Variants in VPS16 observed in about 807,000 individuals in gnomAD.
The protein encoded by VPS16 is VPS16 core subunit of CORVET and HOPS complexes, also known as vacuolar protein sorting-associated protein 16 homolog.
In VPS16, 82 loss-of-function variants were observed where a neutral mutation model predicts 116.0. The observed-to-expected ratio is 0.71, with a 90% CI of 0.59 to 0.85. The LOEUF is 0.85. Among genes scored for constraint, VPS16 ranks in the 40% least tolerant of loss-of-function variants. VPS16 has a pLI of 0.00. For synonymous variants in VPS16, 406 were observed against 420.7 expected (o/e 0.96, Z 0.43); for missense variants, 928 against 1,090.6 (o/e 0.85, Z 2.10).
Position 2,864,801 on chromosome 20 carries a change from G to A in VPS16, c.1926+147G>A. The A allele has an allele frequency of 6.1e-6, 7 of 1,151,564 alleles. No individual in the cohort carries two copies. The highest frequency in any genetic ancestry group is 1.4e-5 in the South Asian group (1 of 72,908). 71.3% of individuals were successfully genotyped at this position (1,151,564 alleles called of 1,614,324 possible). ...GGAGACTCTGACGTGAGGCCAGGAT[G>A]GGGGTTAGTGTCAGAGGAGCTAGCC... is the stretch of plus-strand genomic sequence containing the variant. On this transcript the variant is annotated intron_variant, in intron 19 of 23. Coordinates refer to ENST00000380445, the MANE Select transcript of VPS16 (RefSeq NM_022575.4). This position sits in a 1 kb window ranked among gnomAD's most constrained non-coding sequence, Gnocchi z 5.2.
chr20:2,856,165 CTG>C (rs2089169739), intron 1 of VPS16, among the ~76,000 whole-genome samples: 1 of 152,096 alleles, frequency 6.6e-6, no homozygotes. Context: ...AATTTCTACA[CTG>C]TGTGTCTCAG....
chr20:2,851,139 G>T (rs1367879642), intron 1 of VPS16, among the ~76,000 whole-genome samples: 2 of 152,196 alleles, frequency 1.3e-5, no homozygotes, highest in Non-Finnish European at 2.9e-5. Context: ...TGGCAGAGAA[G>T]TTGGTTTGCC....
intron 1 of VPS16, among the ~76,000 whole-genome samples, chr20:2,855,085 C>T (rs4274657): frequency 0.51 from 76,766 of 150,534 alleles, 22,284 homozygotes; most frequent in African/African-American, 0.79. Context: ...CTCAATCTCC[C>T]GAGTAGCTGG....
In VPS16 at chr20:2,860,748, G is replaced by T; in HGVS notation, c.515G>T (p.Gly172Val). Residue 172 changes from glycine to valine, a missense_variant and splice_region_variant, in exon 6 of 24, where the codon GGT (glycine) becomes GTT (valine). By Grantham distance (109) the Gly-to-Val change is moderately radical. Coordinates refer to ENST00000380445, the MANE Select transcript of VPS16 (RefSeq NM_022575.4). The surrounding 1 kb of genome is among the most constrained non-coding windows in gnomAD (Gnocchi z 6.1). ...ACACTGTCCTTTTCCCTGGCCATAG[G>T]TCTGCAAAGTGCACCCTCCTGCTGG... is the stretch of plus-strand genomic sequence containing the variant. ...LKLRRMPEVP[G>V]LQSAPSCWTV... 6.2e-7 allele frequency: 1 copy of T among 1,613,838 alleles called. No homozygotes were observed.
At position 2,862,804 on chromosome 20, in the gene VPS16, C is replaced by T. The variant is rs1600003338; in HGVS notation, c.1204-3C>T. 1.2e-6 allele frequency: 2 copies of T among 1,613,816 alleles called. No individual in the cohort carries two copies. Among genetic ancestry groups the T allele is most frequent in the Non-Finnish European group, 1.7e-6 (2 of 1,180,024 alleles). ...TCTCCTATCGCCCTCTGGCTCTTCT[C>T]AGGCCGCCTCCTTCGGAAAGTGTTT... On this transcript the variant is annotated splice_polypyrimidine_tract_variant and splice_region_variant and intron_variant, in intron 12 of 23. Transcript: ENST00000380445.
intron 1 of VPS16, among the ~76,000 whole-genome samples, chr20:2,841,641 T>C (rs1014405087): frequency 6.6e-6 from 1 of 152,184 alleles, no homozygotes; most frequent in Admixed American, 6.5e-5. Flanking sequence ...TCTCCCCCAA[T>C]AGAATCCTGT....
chr20:2,863,448 G>T lies in VPS16; in HGVS notation c.1476+50G>T. The T allele has an allele frequency of 6.4e-7, 1 of 1,574,168 alleles. No homozygotes were observed. Among genetic ancestry groups the T allele is most frequent in the South Asian group, 1.1e-5 (1 of 90,164 alleles). ...GGGCATTTAGAGGATTCCAGGCCCT[G>T]GTGAGGTGGAGGAAATAGAAAGTGT... On this transcript the variant is annotated intron_variant, in intron 15 of 23. Coordinates refer to ENST00000380445, the MANE Select transcript of VPS16 (RefSeq NM_022575.4). The surrounding 1 kb of genome is among the most constrained non-coding windows in gnomAD (Gnocchi z 4.4).
intron 1 of VPS16, among the ~76,000 whole-genome samples, chr20:2,851,354 A>G (rs1003556816): frequency 1.3e-5 from 2 of 152,138 alleles, no homozygotes; most frequent in African/African-American, 4.8e-5. Context: ...CACGCCTGTA[A>G]TCCTAACACT....
chr20:2,843,239 CT>C (rs1404560725), intron 1 of VPS16, among the ~76,000 whole-genome samples: 1 of 152,008 alleles, frequency 6.6e-6, no homozygotes, highest in Non-Finnish European at 1.5e-5. Flanking sequence ...CGAGATCAGC[CT>C]GGCCAACATG....
rs1182179098 is a variant in VPS16 at position 2,863,486 on chromosome 20, G to A, written c.1476+88G>A. The A allele has an allele frequency of 6.0e-6, 8 of 1,339,074 alleles. No individual in the cohort carries two copies. The highest frequency in any genetic ancestry group is 7.4e-6 in the Non-Finnish European group (7 of 948,556). The allele number at this position is 1,339,074 out of a possible 1,614,324, so 82.9% of individuals were successfully genotyped here. On this transcript the variant is annotated intron_variant, in intron 15 of 23. Coordinates refer to ENST00000380445, the MANE Select transcript of VPS16 (RefSeq NM_022575.4). This position sits in a 1 kb window ranked among gnomAD's most constrained non-coding sequence, Gnocchi z 4.4. ...AAATAGAAAGTGTAGAACTGCGCTG[G>A]GCACGGTGGCTCATGCCTGTAATCC...
intron 1 of VPS16, among the ~76,000 whole-genome samples, chr20:2,858,692 T>G (rs1202736629): frequency 6.6e-6 from 1 of 151,984 alleles, no homozygotes; most frequent in Non-Finnish European, 1.5e-5. Context: ...TTTCCCCCAC[T>G]CTTGAGGTAT....
rs200332729 is a variant in VPS16, at chr20:2,860,971, C to T, written c.632C>T (p.Thr211Met). The change falls in exon 7 of 24, where the codon ACG (threonine) becomes ATG (methionine). Residue 211 changes from threonine (T) to methionine (M), a missense_variant and splice_region_variant. Physicochemically the swap from Thr to Met is moderately conservative, Grantham distance 81. Coordinates refer to ENST00000380445, the MANE Select transcript of VPS16 (RefSeq NM_022575.4). The surrounding 1 kb of genome is among the most constrained non-coding windows in gnomAD (Gnocchi z 6.1). Reference protein sequence around the residue: ...LLDHAACSAVTPPGLAPGVSS... With the variant: ...LLDHAACSAVMPPGLAPGVSS... Reference sequence around the variant, plus strand: ...ACCCCTACCCTGGCTCTGCCTCAGACGCCCCCTGGCCTGGCCCCAGGAGTA... The same window carrying T: ...ACCCCTACCCTGGCTCTGCCTCAGATGCCCCCTGGCCTGGCCCCAGGAGTA... 15 of 1,614,166 alleles carry T rather than the reference C, an allele frequency of 9.3e-6. No homozygotes were observed. The highest frequency in any genetic ancestry group is 4.5e-5 in the East Asian group (2 of 44,876).
At chr20:2,862,281 G>A (rs2089238034) in intron 11 of VPS16, 151 bp downstream of exon 11, 2 of 1,046,382 alleles carry the variant, frequency 1.9e-6, no homozygotes, top group African/African-American at 3.2e-5. Flanking sequence ...GTAAACTGAA[G>A]AGACACTATG....
chr20:2,840,885 G>C, intron 1 of VPS16, 58 bp downstream of exon 1: 1 of 1,503,504 alleles, frequency 6.7e-7, no homozygotes, highest in African/African-American at 1.4e-5. Context: ...CCGCCGGCTG[G>C]AGTCTCCCGG....
chr20:2,841,749 T>G (rs1217862239), intron 1 of VPS16, among the ~76,000 whole-genome samples: 1 of 151,430 alleles, frequency 6.6e-6, no homozygotes, highest in African/African-American at 2.4e-5. Flanking sequence ...CCAGGCTCCT[T>G]CAGGGCTGAA....
rs2089332056 is a variant in VPS16, at chr20:2,865,882, G to T, written c.2272-330G>T. On this transcript the variant is annotated intron_variant, in intron 22 of 23. Coordinates refer to ENST00000380445, the MANE Select transcript of VPS16 (RefSeq NM_022575.4). This position sits in a 1 kb window ranked among gnomAD's most constrained non-coding sequence, Gnocchi z 5.2. ...GGTAGTTCAGAGGTGTATAGGGCAG[G>T]TTTGAGAATGTCAATCACAAGAGAA... 4.3e-6 allele frequency: 2 copies of T among 469,202 alleles called. No individual in the cohort carries two copies. Among genetic ancestry groups the T allele is most frequent in the Non-Finnish European group, 7.8e-6 (2 of 256,948 alleles). 29.1% of individuals were successfully genotyped at this position (469,202 alleles called of 1,614,324 possible). A position where few individuals can be genotyped will look rare whatever the true frequency, so the allele number is the denominator to read the frequency against.
intron 1 of VPS16, among the ~76,000 whole-genome samples, chr20:2,851,218 G>C (rs1022170984): frequency 3.9e-5 from 6 of 152,216 alleles, no homozygotes; most frequent in Non-Finnish European, 5.9e-5. Context: ...GGGATGTAAA[G>C]ACGTAGGCAA....
intron 1 of VPS16, chr20:2,841,140 G>A (rs529061514): frequency 1.2e-4 from 53 of 445,916 alleles, no homozygotes; most frequent in Non-Finnish European, 2.0e-4. Flanking sequence ...TCTCCTGCCG[G>A]AAAGTGCTGC....
At chr20:2,840,873 GCCCGCCGGCTGGAGTCT>G (rs1217999133) in intron 1 of VPS16, 46 bp downstream of exon 1, 1 of 1,395,314 alleles carries the variant, frequency 7.2e-7, no homozygotes, top group Non-Finnish European at 9.5e-7. Flanking sequence ...TACCCTGCTC[GCCCGCCGGCTGGAGTCT>G]CCCGGCGGCG....
Sources: allele counts gnomAD v4.1 joint callset (sites outside exome capture counted in the v4.1 genomes callset), GRCh38; gene constraint gnomAD v4.1.1; non-coding constraint Gnocchi (gnomAD v3.1); transcripts MANE v1.5; gene names NCBI Gene and HGNC (gene_info 2026-07-23, HGNC 2026-07-21).